Variants in MED12L observed in about 807,000 individuals in gnomAD.
MED12L encodes mediator of RNA polymerase II transcription subunit 12-like protein.
A neutral mutation model predicts 281.3 loss-of-function variants in MED12L; 60 were observed. That is an observed-to-expected ratio of 0.21 (90% CI 0.17 to 0.26). The LOEUF (loss-of-function observed/expected upper bound fraction) is 0.26. MED12L is among the 10% of genes least tolerant of loss of function. The probability of loss-of-function intolerance (pLI) is 1.00; values close to 1 mark genes in which losing one functional copy is unlikely to be tolerated. For synonymous variants in MED12L, 974 were observed against 987.2 expected, an observed-to-expected ratio of 0.99 and a Z score of 0.25; for missense variants, 2,146 against 2,680.9, an observed-to-expected ratio of 0.80 and a Z score of 4.41.
At chr3:151,142,188 G>A (rs1717127820) in intron 5 of MED12L, among the ~76,000 whole-genome samples, 1 of 152,178 alleles carries the variant, frequency 6.6e-6, no homozygotes, top group South Asian at 2.1e-4. Flanking sequence ...GTGGAAAGTG[G>A]AAGAATGGGA....
chr3:151,357,507 C>A, intron 20 of MED12L, 131 bp downstream of exon 20: 1 of 769,190 alleles, frequency 1.3e-6, no homozygotes, highest in Non-Finnish European at 2.0e-6. Context: ...AAAGAACACT[C>A]TTGCCAGAAA....
intron 8 of MED12L, among the ~76,000 whole-genome samples, chr3:151,161,210 G>A (rs1011943822): frequency 1.3e-5 from 2 of 152,212 alleles, no homozygotes. Flanking sequence ...AAAGAAATCA[G>A]TTTGGAAGCA....
chr3:151,136,741 G>A (rs185090241), intron 5 of MED12L, among the ~76,000 whole-genome samples: 1 of 152,180 alleles, frequency 6.6e-6, no homozygotes, highest in Non-Finnish European at 1.5e-5. Flanking sequence ...TCTCTCATGT[G>A]ATAAATTACA....
intron 2 of MED12L, among the ~76,000 whole-genome samples, chr3:151,099,495 A>G (rs2148654910): frequency 6.6e-6 from 1 of 152,350 alleles, no homozygotes; most frequent in South Asian, 2.1e-4. Flanking sequence ...AAAATAGTGA[A>G]AAAAGAGTGG....
At chr3:151,367,862 T>C in intron 24 of MED12L, 96 bp downstream of exon 24, 1 of 1,388,074 alleles carries the variant, frequency 7.2e-7, no homozygotes, top group South Asian at 1.4e-5. Flanking sequence ...TATTTGAGGG[T>C]ATGTATATTG....
chr3:151,088,430 G>T (rs1340128179), intron 2 of MED12L, among the ~76,000 whole-genome samples: 2 of 152,214 alleles, frequency 1.3e-5, no homozygotes, highest in African/African-American at 2.4e-5. Flanking sequence ...CAAGTGTACA[G>T]TTAATAGCTT....
chr3:151,418,553 A>G (rs1237600224), intron 43 of MED12L, among the ~76,000 whole-genome samples: 1 of 152,216 alleles, frequency 6.6e-6, no homozygotes, highest in African/African-American at 2.4e-5. Flanking sequence ...TAGATTAATC[A>G]TGATTAGATT....
chr3:151,254,514 A>G (rs73023014), intron 16 of MED12L, among the ~76,000 whole-genome samples: 3,940 of 151,940 alleles, frequency 0.026, 157 homozygotes, highest in African/African-American at 0.091. Context: ...ATATGTAAAC[A>G]TGCTATATAA....
At chr3:151,346,251 T>A (rs1367505645) in intron 16 of MED12L, among the ~76,000 whole-genome samples, 1 of 152,210 alleles carries the variant, frequency 6.6e-6, no homozygotes, top group African/African-American at 2.4e-5. Context: ...AAGAGGCCAT[T>A]GTCTCTTATA....
chr3:151,223,676 G>A (rs1321839463), intron 16 of MED12L, among the ~76,000 whole-genome samples: 3 of 152,182 alleles, frequency 2.0e-5, no homozygotes, highest in African/African-American at 7.2e-5. Flanking sequence ...GTAGACACTG[G>A]AGACTCCAAA....
chr3:151,334,815 T>C (rs1308506458), intron 16 of MED12L, among the ~76,000 whole-genome samples: 1 of 152,138 alleles, frequency 6.6e-6, no homozygotes, highest in Admixed American at 6.5e-5. Flanking sequence ...GTCTTCTTTT[T>C]TTTATAGAGC....
At chr3:151,314,911 A>G (rs1343890095) in intron 16 of MED12L, among the ~76,000 whole-genome samples, 1 of 152,208 alleles carries the variant, frequency 6.6e-6, no homozygotes, top group Non-Finnish European at 1.5e-5. Flanking sequence ...ATTTGGTACA[A>G]TCAGCCCTTA....
At chr3:151,167,941 T>C (rs527599084) in intron 11 of MED12L, among the ~76,000 whole-genome samples, 1 of 152,284 alleles carries the variant, frequency 6.6e-6, no homozygotes, top group East Asian at 1.9e-4. Flanking sequence ...AAAAGCTACA[T>C]TGTTTCCTGG....
At chr3:151,297,620 C>T (rs913966629) in intron 16 of MED12L, among the ~76,000 whole-genome samples, 1 of 152,160 alleles carries the variant, frequency 6.6e-6, no homozygotes. Context: ...GGGAATATTT[C>T]AACTGCTTGT....
At chr3:151,270,031 G>A (rs190878660) in intron 16 of MED12L, 2 of 240,696 alleles carry the variant, frequency 8.3e-6, no homozygotes, top group East Asian at 1.3e-4. Context: ...GATGAAGAAG[G>A]ATGGGAAGAT....
At position 151,268,335 on chromosome 3, in the gene MED12L, C is replaced by T. The variant is rs576563183; in HGVS notation, c.2250+74669C>T. ...CCTAATTTGTTAAAAAGAATTCAGT[C>T]TATGCTAATGACATGGTAATTTTCT... is the stretch of plus-strand genomic sequence containing the variant. On this transcript the variant is annotated intron_variant, in intron 16 of 44. Transcript: ENST00000687756. Among the ~76,000 whole-genome samples, 5 of 152,196 alleles carry T rather than the reference C, an allele frequency of 3.3e-5. No individual in the cohort carries two copies. The South Asian group carries it at 8.3e-4, about 25-fold the overall frequency.
intron 16 of MED12L, chr3:151,199,116 C>T (rs775872022): frequency 2.5e-6 from 4 of 1,614,050 alleles, no homozygotes; most frequent in Non-Finnish European, 3.4e-6. Flanking sequence ...ATGAGGCAGG[C>T]TGTTACTTGG....
intron 16 of MED12L, among the ~76,000 whole-genome samples, chr3:151,305,781 T>G (rs746323752): frequency 6.6e-6 from 1 of 152,154 alleles, no homozygotes; most frequent in Non-Finnish European, 1.5e-5. Context: ...GGAGTCTGTT[T>G]TCTCCATCAA....
chr3:151,330,549 C>CGGA lies in MED12L; in HGVS notation c.2251-19506_2251-19504dup, dbSNP rs1421210457. Among the ~76,000 whole-genome samples, 11 of 152,188 alleles carry CGGA rather than the reference C, an allele frequency of 7.2e-5. No individual in the cohort carries two copies. The East Asian group carries it at 2.1e-3, about 29-fold the overall frequency. ...GAAAAGCGGAAATTAGGAGATCTTACGGAGGATGTGGAGTTCATGGTGAGT... is the reference window on the plus strand; with the variant it reads ...GAAAAGCGGAAATTAGGAGATCTTACGGAGGAGGATGTGGAGTTCATGGTGAGT... On this transcript the variant is annotated intron_variant, in intron 16 of 44. Coordinates refer to ENST00000687756, the MANE Select transcript of MED12L (RefSeq NM_001393769.1).
Sources: gnomAD v4.1 joint callset for allele counts (sites outside exome capture counted in the v4.1 genomes callset) on GRCh38, gnomAD v4.1.1 for gene constraint, MANE v1.5 for transcripts, NCBI Gene and HGNC (gene_info 2026-07-23, HGNC 2026-07-21) for gene names.